Variants in SHH observed in about 807,000 individuals in gnomAD.
The protein encoded by SHH is sonic hedgehog protein.
Under a neutral mutation model 16.6 loss-of-function variants are expected in SHH, and 3 were observed. That is an observed-to-expected ratio of 0.18 (90% CI 0.08 to 0.47). SHH has a LOEUF of 0.47. SHH is among the 20% of genes least tolerant of loss of function. The pLI, the probability that SHH is intolerant of heterozygous loss-of-function variation, is 0.98. For synonymous variants in SHH, 351 were observed against 316.2 expected (o/e 1.11, Z -1.17); for missense variants, 499 against 665.0 (o/e 0.75, Z 2.75).
chr7:155,804,829 C>T (rs1234331800), intron 2 of SHH, among the ~76,000 whole-genome samples: 3 of 152,076 alleles, frequency 2.0e-5, no homozygotes, highest in African/African-American at 7.2e-5. Context: ...TTCCAATCTC[C>T]GGGATCATGC....
In SHH at chr7:155,809,111, T is replaced by A. The variant is rs1359694374; in HGVS notation, c.301-2554A>T. On this transcript the variant is annotated intron_variant, in intron 1 of 2. Coordinates refer to ENST00000297261, the MANE Select transcript of SHH (RefSeq NM_000193.4). This position sits in a 1 kb window ranked among gnomAD's most constrained non-coding sequence, Gnocchi z 6.1. ...GGCCTCCTGCCCCTTAGGAGCCCCC[T>A]GGCCGCCAGCACCCTCGCCTGGCAC... The A allele has an allele frequency of 6.6e-6, 1 of 152,328 alleles. No individual in the cohort carries two copies. Among genetic ancestry groups the A allele is most frequent in the East Asian group, 1.9e-4 (1 of 5,164 alleles). The allele number at this position is 152,328 out of a possible 1,614,324, so 9.4% of individuals were successfully genotyped here.
At position 155,803,234 on chromosome 7, in the gene SHH, C is replaced by T; in HGVS notation, c.1055G>A (p.Gly352Asp). The part of the protein sequence containing the change: ...AGAYAPLTAQ[G>D]TILINRVLAS... ...CAGCACCCGGTTGATGAGAATGGTG[C>T]CCTGGGCCGTGAGCGGCGCGTAGGC... The change falls in exon 3 of 3, where the codon GGC becomes GAC. Residue 352 changes from glycine to aspartate, a missense_variant. Around this residue, in one of 4 missense-constraint regions of SHH, gnomAD observed 299 missense variants for 301.1 expected, o/e 0.99. Coordinates refer to ENST00000297261, the MANE Select transcript of SHH (RefSeq NM_000193.4). The T allele has an allele frequency of 1.3e-6, 2 of 1,520,024 alleles. No individual in the cohort carries two copies. The allele number at this position is 1,520,024 out of a possible 1,614,324, so 94.2% of individuals were successfully genotyped here. A position where few individuals can be genotyped will look rare whatever the true frequency, so the allele number is the denominator to read the frequency against.
At position 155,800,181 on chromosome 7, in the gene SHH, G is replaced by A. The variant is rs1045793521; in HGVS notation, c.*2719C>T. 2 of 471,118 alleles carry A rather than the reference G, an allele frequency of 4.2e-6. No homozygotes were observed. Among genetic ancestry groups the A allele is most frequent in the African/African-American group, 4.0e-5 (2 of 50,086 alleles). The allele number at this position is 471,118 out of a possible 1,614,324, so 29.2% of individuals were successfully genotyped here. ...AGAAGTCGGCGCCTCGTCCTGGCGG[G>A]GCTGGGCTGCACCCTCTTGATGCCC... On this transcript the variant is annotated 3_prime_UTR_variant, in exon 3 of 3. Transcript: ENST00000297261.
chr7:155,808,208 G>T (rs1444938583), intron 1 of SHH, among the ~76,000 whole-genome samples: 1 of 152,178 alleles, frequency 6.6e-6, no homozygotes, highest in South Asian at 2.1e-4. Context: ...AGGTCATCTT[G>T]AGGATTGAAC....
chr7:155,804,031 A>G (rs1029364116), intron 2 of SHH, among the ~76,000 whole-genome samples: 3 of 152,000 alleles, frequency 2.0e-5, no homozygotes, highest in African/African-American at 7.2e-5. Context: ...CCTTCCTCCA[A>G]CCCCACCCCC....
Position 155,801,304 on chromosome 7 carries a change from G to A in SHH, c.*1596C>T. ...TTTAAGGGGACCCTCAAGAAAAGAG[G>A]ATAGGAGCTTCAGAGAAGATCAAAC... is the stretch of plus-strand genomic sequence containing the variant. On this transcript the variant is annotated 3_prime_UTR_variant, in exon 3 of 3. Transcript: ENST00000297261. 1 of 152,512 alleles carries A rather than the reference G, an allele frequency of 6.6e-6. No homozygotes were observed. Among genetic ancestry groups the A allele is most frequent in the Non-Finnish European group, 1.5e-5 (1 of 68,172 alleles). The allele number at this position is 152,512 out of a possible 1,614,324, so 9.4% of individuals were successfully genotyped here. A position where few individuals can be genotyped will look rare whatever the true frequency, so the allele number is the denominator to read the frequency against.
rs1803151203 is a variant in SHH, at chr7:155,800,217, G to A, written c.*2683C>T. ...ACCCTCTTGATGCCCTGTACCTAGTGTCTCTAAGCAGTGGTTTCCTTTCCT... is the reference window on the plus strand; with the variant it reads ...ACCCTCTTGATGCCCTGTACCTAGTATCTCTAAGCAGTGGTTTCCTTTCCT... On this transcript the variant is annotated 3_prime_UTR_variant, in exon 3 of 3. Coordinates refer to ENST00000297261, the MANE Select transcript of SHH (RefSeq NM_000193.4). 4.2e-6 allele frequency: 2 copies of A among 470,904 alleles called. No homozygotes were observed. The highest frequency in any genetic ancestry group is 8.8e-6 in the Non-Finnish European group (2 of 227,058). 29.2% of individuals were successfully genotyped at this position (470,904 alleles called of 1,614,324 possible).
intron 1 of SHH, chr7:155,806,791 C>A: frequency 1.6e-6 from 1 of 630,356 alleles, no homozygotes; most frequent in South Asian, 1.9e-5. Context: ...CAGGGTAGAG[C>A]TGGGGGCCTT....
intron 2 of SHH, among the ~76,000 whole-genome samples, chr7:155,805,878 C>T (rs945344824): frequency 1.3e-5 from 2 of 152,358 alleles, no homozygotes; most frequent in African/African-American, 4.8e-5. Context: ...GGATAGACAC[C>T]CCTGCGCTTG....
rs1213520109 is a variant in SHH at position 155,803,333 on chromosome 7, G to A, written c.956C>T (p.Ala319Val). 3 of 1,474,750 alleles carry A rather than the reference G, an allele frequency of 2.0e-6. No individual in the cohort carries two copies. The highest frequency in any genetic ancestry group is 2.7e-6 in the Non-Finnish European group (3 of 1,121,138). The allele number at this position is 1,474,750 out of a possible 1,614,324, so 91.4% of individuals were successfully genotyped here. The change falls in exon 3 of 3, where the codon GCC becomes GTC. Residue 319 changes from alanine (A) to valine (V), a missense_variant. Ala to Val is a moderately conservative substitution (Grantham distance 64). Coordinates refer to ENST00000297261, the MANE Select transcript of SHH (RefSeq NM_000193.4). ...GAGCCGGCGGTCCCCGTCACGCTCG[G>A]CCACCACGTACACGCGCTGGCCCGG... Reference protein sequence around the residue: ...VRPGQRVYVVAERDGDRRLLP... With the variant: ...VRPGQRVYVVVERDGDRRLLP...
Position 155,812,084 on chromosome 7 carries a change from G to A in SHH, c.39C>T (p.Val13=), listed in dbSNP as rs745751480. 6.2e-7 allele frequency: 1 copy of A among 1,614,228 alleles called. No individual in the cohort carries two copies. The part of the protein sequence containing the change: ...LLARCLLLVL[V]SSLLVCSGLA... ...GTCCCGAGCATACCAGCAGCGAGGAGACGAGGACTAGCAGCAGACATCTCG... is the reference window on the plus strand; with the variant it reads ...GTCCCGAGCATACCAGCAGCGAGGAAACGAGGACTAGCAGCAGACATCTCG... Residue 13 remains valine, a synonymous_variant, in exon 1 of 3, where the codon GTC becomes GTT. Transcript: ENST00000297261.
intron 1 of SHH, among the ~76,000 whole-genome samples, chr7:155,811,618 C>T (rs1392554091): frequency 6.6e-6 from 1 of 152,120 alleles, no homozygotes; most frequent in East Asian, 1.9e-4. Flanking sequence ...CCCACCACAC[C>T]CTAAACTTCT....
intron 2 of SHH, among the ~76,000 whole-genome samples, chr7:155,805,043 C>G (rs992254374): frequency 6.6e-6 from 1 of 152,174 alleles, no homozygotes; most frequent in Non-Finnish European, 1.5e-5. Context: ...CCCGCGCCCC[C>G]GCCCGTGTGC....
At chr7:155,803,880 C>G (rs978368282) in intron 2 of SHH, among the ~76,000 whole-genome samples, 154 bp from the exon 3 acceptor site, 7 of 152,084 alleles carry the variant, frequency 4.6e-5, no homozygotes, top group Admixed American at 6.5e-5. Flanking sequence ...AGGCGGGTCC[C>G]GCACACACCT....
rs1803222524 is a variant in SHH at position 155,802,860 on chromosome 7, GC to G, written c.*39del. 3.3e-6 allele frequency: 1 copy of G among 304,960 alleles called. No homozygotes were observed. Among genetic ancestry groups the G allele is most frequent in the South Asian group, 5.9e-5 (1 of 17,016 alleles). 18.9% of individuals were successfully genotyped at this position (304,960 alleles called of 1,614,324 possible). ...TGCTTTGCGTTGCTGTTGCTGCCCC[GC>G]CCCGCCCCCTCCCGCGCCCCTCCCC... is the stretch of plus-strand genomic sequence containing the variant. On this transcript the variant is annotated 3_prime_UTR_variant, in exon 3 of 3. Coordinates refer to ENST00000297261, the MANE Select transcript of SHH (RefSeq NM_000193.4).
In SHH at chr7:155,803,712, C is replaced by A. The variant is rs770421409; in HGVS notation, c.577G>T (p.Ala193Ser). Residue 193 changes from alanine to serine, a missense_variant, in exon 3 of 3, where the codon GCC (alanine) becomes TCC (serine). Transcript: ENST00000297261. Reference sequence around the variant, plus strand: ...CCCGGGAAGCAGCCTCCCGATTTGGCCGCCACCGAGTTCTCTGCGGGTGAG... The same window carrying A: ...CCCGGGAAGCAGCCTCCCGATTTGGACGCCACCGAGTTCTCTGCGGGTGAG... The part of the protein sequence containing the change: ...CSVKAENSVA[A>S]KSGGCFPGSA... 3 of 1,596,958 alleles carry A rather than the reference C, an allele frequency of 1.9e-6. No homozygotes were observed. The highest frequency in any genetic ancestry group is 2.5e-6 in the Non-Finnish European group (3 of 1,179,168).
chr7:155,806,685 C>G, intron 1 of SHH, 128 bp from the exon 2 acceptor site: 1 of 1,220,042 alleles, frequency 8.2e-7, no homozygotes. Context: ...GGTGGGGAGA[C>G]GGGGGTTGGA....
At position 155,802,925 on chromosome 7, in the gene SHH, A is replaced by C; in HGVS notation, c.1364T>G (p.Leu455Arg). 1.6e-6 allele frequency: 2 copies of C among 1,233,258 alleles called. No individual in the cohort carries two copies. Among genetic ancestry groups the C allele is most frequent in the Non-Finnish European group, 2.1e-6 (2 of 959,414 alleles). The allele number at this position is 1,233,258 out of a possible 1,614,324, so 76.4% of individuals were successfully genotyped here. A position where few individuals can be genotyped will look rare whatever the true frequency, so the allele number is the denominator to read the frequency against. Reference sequence around the variant, plus strand: ...TCAGCTGGACTTGACCGCCATGCCCAGCGGGTGCAGGGCCTCGCTGTCCAG... The same window carrying C: ...TCAGCTGGACTTGACCGCCATGCCCCGCGGGTGCAGGGCCTCGCTGTCCAG... ...WLLDSEALHP[L>R]GMAVKSS is the part of the protein sequence containing the mutation. The change falls in exon 3 of 3, where the codon CTG becomes CGG. Residue 455 changes from leucine (L) to arginine (R), a missense_variant. By Grantham distance (102) the Leu-to-Arg change is moderately radical. This residue lies in a region of SHH where 299 missense variants were observed against 301.1 expected (regional missense o/e 0.99). Transcript: ENST00000297261.
Position 155,803,312 on chromosome 7 carries a change from C to T in SHH, c.977G>A (p.Arg326Gln). ...GCTGTGCACAGCGGCGGGCAGGAGC[C>T]GGCGGTCCCCGTCACGCTCGGCCAC... is the stretch of plus-strand genomic sequence containing the variant. ...YVVAERDGDRRLLPAAVHSVT... is the reference protein window; with the variant it reads ...YVVAERDGDRQLLPAAVHSVT... The change falls in exon 3 of 3, where the codon CGG becomes CAG. Residue 326 changes from arginine (R) to glutamine (Q), a missense_variant. Physicochemically the swap from Arg to Gln is conservative, Grantham distance 43. Coordinates refer to ENST00000297261, the MANE Select transcript of SHH (RefSeq NM_000193.4). The T allele has an allele frequency of 6.8e-7, 1 of 1,477,508 alleles. No homozygotes were observed. Among genetic ancestry groups the T allele is most frequent in the Non-Finnish European group, 8.9e-7 (1 of 1,121,862 alleles). 91.5% of individuals were successfully genotyped at this position (1,477,508 alleles called of 1,614,324 possible). A position where few individuals can be genotyped will look rare whatever the true frequency, so the allele number is the denominator to read the frequency against.
Sources: gnomAD v4.1 joint callset for allele counts (sites outside exome capture counted in the v4.1 genomes callset) on GRCh38, gnomAD v4.1.1 for gene constraint, gnomAD v4.1.1 regional missense constraint, Gnocchi (gnomAD v3.1) non-coding constraint, MANE v1.5 for transcripts, NCBI Gene and HGNC (gene_info 2026-07-23, HGNC 2026-07-21) for gene names.